The following SNX30 variants were observed in gnomAD, a reference collection of about 807,000 sequenced individuals.
SNX30 encodes the protein sorting nexin family member 30, also known as sorting nexin-30.
In SNX30, 24 loss-of-function variants were observed where a neutral mutation model predicts 46.4. That is an observed-to-expected ratio of 0.52 (90% CI 0.37 to 0.73). The LOEUF (loss-of-function observed/expected upper bound fraction) is 0.73, where lower values mean the gene tolerates loss of function less well. Ranked by LOEUF, SNX30 falls within the 30% of genes least tolerant of loss-of-function variation. SNX30 has a pLI of 0.00. For synonymous variants in SNX30, 189 were observed against 211.5 expected (o/e 0.89, Z 0.92); for missense variants, 533 against 555.7 (o/e 0.96, Z 0.41).
intron 1 of SNX30, among the ~76,000 whole-genome samples, chr9:112,789,999 G>C (rs1839994911): frequency 6.6e-6 from 1 of 152,152 alleles, no homozygotes; most frequent in South Asian, 2.1e-4. Context: ...AAACTGTTCA[G>C]GGGGGATACT....
At chr9:112,770,331 C>A (rs948200129) in intron 1 of SNX30, among the ~76,000 whole-genome samples, 1 of 151,770 alleles carries the variant, frequency 6.6e-6, no homozygotes, top group Non-Finnish European at 1.5e-5. Context: ...GCCACCACAC[C>A]CGACTAATTT....
At chr9:112,846,582 T>TAC (rs1840943281) in intron 6 of SNX30, among the ~76,000 whole-genome samples, 1 of 152,250 alleles carries the variant, frequency 6.6e-6, no homozygotes, top group African/African-American at 2.4e-5. Flanking sequence ...GCCACAGGGC[T>TAC]ACGTGCGTAT....
At chr9:112,860,345 G>A (rs568513935) in intron 7 of SNX30, among the ~76,000 whole-genome samples, 1 of 152,248 alleles carries the variant, frequency 6.6e-6, no homozygotes, top group South Asian at 2.1e-4. Context: ...AGCTGTGTTT[G>A]GTTTTCTTGT....
chr9:112,879,891 G>T, downstream of SNX30: 1 of 1,402,250 alleles, frequency 7.1e-7, no homozygotes. Context: ...GCCCTCACAG[G>T]GTTAATGATA....
chr9:112,788,996 A>G (rs1000284024), intron 1 of SNX30, among the ~76,000 whole-genome samples: 3 of 152,100 alleles, frequency 2.0e-5, no homozygotes, highest in Non-Finnish European at 4.4e-5. Flanking sequence ...GGGTTTCACT[A>G]TGTTGCCCAG....
chr9:112,770,307 G>A (rs1374828385), intron 1 of SNX30, among the ~76,000 whole-genome samples: 1 of 151,882 alleles, frequency 6.6e-6, no homozygotes. Context: ...GAGTAGCTGG[G>A]ATTACAGGCA....
intron 5 of SNX30, chr9:112,880,592 C>T (rs1451780244): frequency 6.5e-6 from 1 of 153,184 alleles, no homozygotes; most frequent in Non-Finnish European, 1.5e-5. Flanking sequence ...CCCAACCTCC[C>T]TGGTAGGTGG....
intron 7 of SNX30, among the ~76,000 whole-genome samples, chr9:112,859,510 T>A (rs1463734727): frequency 1.3e-5 from 2 of 152,256 alleles, no homozygotes; most frequent in Non-Finnish European, 2.9e-5. Context: ...AGTTCTATTT[T>A]AAAATTTTTG....
At chr9:112,761,700 G>A (rs776761039) in intron 1 of SNX30, among the ~76,000 whole-genome samples, 5 of 152,104 alleles carry the variant, frequency 3.3e-5, no homozygotes, top group Admixed American at 6.6e-5. Context: ...GGCGCAGACC[G>A]GGAAGCACAT....
chr9:112,791,656 G>T (rs780744544), intron 1 of SNX30, among the ~76,000 whole-genome samples: 1 of 151,996 alleles, frequency 6.6e-6, no homozygotes, highest in East Asian at 1.9e-4. Context: ...TGATCCACCC[G>T]CCTTGGCCTC....
At chr9:112,784,357 C>A (rs575626969) in intron 1 of SNX30, among the ~76,000 whole-genome samples, 2 of 152,178 alleles carry the variant, frequency 1.3e-5, no homozygotes, top group Admixed American at 6.5e-5. Flanking sequence ...TTGCAGCTTG[C>A]TGCTTAACAG....
At chr9:112,768,649 T>TTTTC (rs1839589017) in intron 1 of SNX30, among the ~76,000 whole-genome samples, 3 of 93,944 alleles carry the variant, frequency 3.2e-5, no homozygotes, top group Admixed American at 1.3e-4. Context: ...TCTTTCTTCT[T>TTTTC]TTTTTTTTTT....
At chr9:112,756,671 G>A (rs1314148568) in intron 1 of SNX30, among the ~76,000 whole-genome samples, 1 of 152,016 alleles carries the variant, frequency 6.6e-6, no homozygotes, top group Non-Finnish European at 1.5e-5. Flanking sequence ...ATATTGGCCA[G>A]GCTGGTCTCG....
chr9:112,881,956 T>G, downstream of SNX30, among the ~76,000 whole-genome samples: 1 of 151,820 alleles, frequency 6.6e-6, no homozygotes, highest in African/African-American at 2.4e-5. Flanking sequence ...AAGTTGTGGA[T>G]GGAGAAGGGA....
At chr9:112,824,745 CA>C (rs1354529399) in intron 3 of SNX30, among the ~76,000 whole-genome samples, 4 of 152,128 alleles carry the variant, frequency 2.6e-5, no homozygotes, top group Admixed American at 2.0e-4. Flanking sequence ...TTTTCAAAGC[CA>C]GCAGCATATC....
At chr9:112,786,966 C>T (rs1008255519) in intron 1 of SNX30, among the ~76,000 whole-genome samples, 1 of 152,002 alleles carries the variant, frequency 6.6e-6, no homozygotes, top group East Asian at 1.9e-4. Context: ...TTTTTCTTTT[C>T]CAGTGAACAC....
At chr9:112,761,063 A>G (rs1163997415) in intron 1 of SNX30, among the ~76,000 whole-genome samples, 2 of 152,170 alleles carry the variant, frequency 1.3e-5, no homozygotes, top group Admixed American at 1.3e-4. Flanking sequence ...AGGTGGGTAG[A>G]CAGGTCAGGA....
In SNX30 at chr9:112,854,824, G is replaced by A. The variant is rs562425239; in HGVS notation, c.1101+3879G>A. Among the ~76,000 whole-genome samples, 195 of 152,288 alleles carry A rather than the reference G, an allele frequency of 1.3e-3. 1 individual carries two copies. The highest frequency in any genetic ancestry group is 4.4e-3 in the African/African-American group (181 of 41,560). On this transcript the variant is annotated intron_variant, in intron 7 of 8. Coordinates refer to ENST00000374232, the MANE Select transcript of SNX30 (RefSeq NM_001012994.2). ...GCTGCGCCCTAGCTTGCACTGATCC[G>A]CTCCTCAGCCTTTGTGGGCCTCAGT...
At chr9:112,818,293 C>T (rs903994813) in intron 3 of SNX30, among the ~76,000 whole-genome samples, 9 of 151,436 alleles carry the variant, frequency 5.9e-5, no homozygotes, top group African/African-American at 1.7e-4. Context: ...CCTCCGACTC[C>T]CAGGTTCAAG....
Sources: gnomAD v4.1 joint callset for allele counts (sites outside exome capture counted in the v4.1 genomes callset) on GRCh38, gnomAD v4.1.1 for gene constraint, MANE v1.5 for transcripts, NCBI Gene and HGNC (gene_info 2026-07-23, HGNC 2026-07-21) for gene names.